The following LMX1A variants were observed in gnomAD, a reference collection of about 807,000 sequenced individuals.
The protein encoded by LMX1A is LIM homeobox transcription factor 1 alpha.
A neutral mutation model predicts 49.1 loss-of-function variants in LMX1A; 15 were observed. The observed-to-expected ratio is 0.31, with a 90% confidence interval of 0.20 to 0.47. The LOEUF is 0.47. LMX1A is among the 20% of genes least tolerant of loss of function. The pLI, the probability that LMX1A is intolerant of heterozygous loss-of-function variation, is 1.00. For missense variants in LMX1A, 372 were observed against 475.8 expected, an observed-to-expected ratio of 0.78 and a Z score of 2.03; for synonymous variants, 167 against 185.7, an observed-to-expected ratio of 0.90 and a Z score of 0.82.
chr1:165,347,137 A>G (rs1656273897), intron 3 of LMX1A, among the ~76,000 whole-genome samples: 1 of 152,226 alleles, frequency 6.6e-6, no homozygotes, highest in African/African-American at 2.4e-5. Context: ...CCTATGGGGT[A>G]TCAAGACAAA....
chr1:165,205,078 GA>G (rs1336668328), intron 8 of LMX1A, among the ~76,000 whole-genome samples: 3 of 151,844 alleles, frequency 2.0e-5, no homozygotes, highest in African/African-American at 7.3e-5. Flanking sequence ...CTAATGTTTT[GA>G]AGACTTGCTG....
chr1:165,208,578 C>G (rs1651198864), intron 6 of LMX1A, among the ~76,000 whole-genome samples: 1 of 152,200 alleles, frequency 6.6e-6, no homozygotes, highest in South Asian at 2.1e-4. Flanking sequence ...TGAGCCTACC[C>G]AGAGATTCAT....
At chr1:165,296,176 G>A (rs1654609180) in intron 3 of LMX1A, among the ~76,000 whole-genome samples, 1 of 152,210 alleles carries the variant, frequency 6.6e-6, no homozygotes, top group Admixed American at 6.5e-5. Flanking sequence ...ATGGTGAAAT[G>A]GTGAGCACCA....
chr1:165,291,184 T>C (rs1178703338), intron 3 of LMX1A, among the ~76,000 whole-genome samples: 2 of 152,208 alleles, frequency 1.3e-5, no homozygotes, highest in Non-Finnish European at 2.9e-5. Flanking sequence ...GCTTGAGTAA[T>C]TAAGCAGCTA....
chr1:165,245,541 C>T (rs942663809), intron 4 of LMX1A, among the ~76,000 whole-genome samples: 3 of 19,720 alleles, frequency 1.5e-4, no homozygotes, highest in East Asian at 1.4e-3. Flanking sequence ...GCTAATTACT[C>T]TCCTCAAGAT....
intron 4 of LMX1A, among the ~76,000 whole-genome samples, chr1:165,235,236 C>G (rs1468282834): frequency 6.6e-6 from 1 of 152,152 alleles, no homozygotes; most frequent in Admixed American, 6.5e-5. Context: ...GGAGTCAGCT[C>G]AGTCCAAAGG....
intron 4 of LMX1A, among the ~76,000 whole-genome samples, chr1:165,240,393 T>C (rs1051279430): frequency 6.6e-6 from 1 of 152,168 alleles, no homozygotes; most frequent in African/African-American, 2.4e-5. Context: ...ATCTCCAAGC[T>C]ATGTCCCTTT....
intron 4 of LMX1A, among the ~76,000 whole-genome samples, chr1:165,228,936 T>G (rs2102618604): frequency 6.6e-6 from 1 of 152,238 alleles, no homozygotes; most frequent in South Asian, 2.1e-4. Context: ...CTCCACTATC[T>G]GTACTGCTGT....
intron 3 of LMX1A, among the ~76,000 whole-genome samples, chr1:165,256,919 G>T (rs925633554): frequency 6.6e-6 from 1 of 151,898 alleles, no homozygotes; most frequent in Non-Finnish European, 1.5e-5. Context: ...ACAACACACC[G>T]AGACACCCTA....
At chr1:165,310,180 T>G (rs1655035517) in intron 3 of LMX1A, among the ~76,000 whole-genome samples, 1 of 152,210 alleles carries the variant, frequency 6.6e-6, no homozygotes, top group Admixed American at 6.5e-5. Context: ...CCAACAAAAT[T>G]CTTCCCAGCT....
intron 4 of LMX1A, among the ~76,000 whole-genome samples, chr1:165,216,293 A>G (rs1217498960): frequency 6.6e-6 from 1 of 152,232 alleles, no homozygotes; most frequent in African/African-American, 2.4e-5. Flanking sequence ...TAGAAAAAAG[A>G]AAGCCATTGA....
chr1:165,286,206 G>C (rs937457796), intron 3 of LMX1A, among the ~76,000 whole-genome samples: 2 of 152,124 alleles, frequency 1.3e-5, no homozygotes, highest in African/African-American at 4.8e-5. Context: ...AATAATTCCA[G>C]TCTTGCAGGC....
intron 3 of LMX1A, among the ~76,000 whole-genome samples, chr1:165,286,863 A>G (rs1245894988): frequency 6.6e-6 from 1 of 152,152 alleles, no homozygotes; most frequent in Non-Finnish European, 1.5e-5. Flanking sequence ...AAATAATTAG[A>G]AAAAAGTAAA....
intron 3 of LMX1A, among the ~76,000 whole-genome samples, chr1:165,334,377 TCAGCTTAATAACAGTAAG>T (rs1655839517): frequency 6.6e-6 from 1 of 152,200 alleles, no homozygotes; most frequent in South Asian, 2.1e-4. Flanking sequence ...TAACTCATCA[TCAGCTTAATAACAGTAAG>T]TTTTAAGTTA....
At chr1:165,208,215 C>G in intron 6 of LMX1A, 83 bp from the exon 7 acceptor site, 1 of 1,282,722 alleles carries the variant, frequency 7.8e-7, no homozygotes, top group Non-Finnish European at 1.1e-6. Flanking sequence ...GAAGTGACAC[C>G]TTCCCCGGGA....
rs752732338 is a variant in LMX1A at position 165,249,454 on chromosome 1, C to T, written c.450G>A (p.Lys150=). 2 of 1,614,184 alleles carry T rather than the reference C, an allele frequency of 1.2e-6. No individual in the cohort carries two copies. The highest frequency in any genetic ancestry group is 2.2e-5 in the East Asian group (1 of 44,872). ...GQLLCKGDYE[K]ERELLSLVSP... The stretch of plus-strand genomic sequence containing the variant: ...TCACCAGGCTGAGCAGCTCCCGCTC[C>T]TTCTCATAGTCCCCTTTGCAGAGCA... Residue 150 remains lysine (K), a synonymous_variant, in exon 4 of 9, where the codon AAG becomes AAA. Transcript: ENST00000342310.
chr1:165,248,303 G>A (rs1265976810), intron 4 of LMX1A, among the ~76,000 whole-genome samples: 7 of 152,176 alleles, frequency 4.6e-5, no homozygotes, highest in African/African-American at 9.7e-5. Context: ...GGGTGGGAGT[G>A]ATCAGAAACT....
At chr1:165,221,707 C>T (rs1226413876) in intron 4 of LMX1A, among the ~76,000 whole-genome samples, 1 of 152,200 alleles carries the variant, frequency 6.6e-6, no homozygotes, top group Non-Finnish European at 1.5e-5. Context: ...TGGCAGCCCG[C>T]CACGGCCTGG....
chr1:165,203,970 T>C lies in LMX1A; in HGVS notation c.1059A>G (p.Leu353=), dbSNP rs752605429. ...TSLSNLGDCF[L]ATSEAGPLQS... is the part of the protein sequence containing the mutation. ...GCAGAGGCCCAGCTTCTGAGGTTGC[T>C]AGGAAACAATCACCCAGGTTACTGA... The change falls in exon 9 of 9, where the codon CTA becomes CTG. Residue 353 remains leucine (L), a synonymous_variant. Coordinates refer to ENST00000342310, the MANE Select transcript of LMX1A (RefSeq NM_177398.4). The C allele has an allele frequency of 3.3e-5, 53 of 1,614,070 alleles. No individual in the cohort carries two copies. In the East Asian group the frequency reaches 1.1e-3, roughly 33 times the overall value.
Sources: allele counts gnomAD v4.1 joint callset (sites outside exome capture counted in the v4.1 genomes callset), GRCh38; gene constraint gnomAD v4.1.1; transcripts MANE v1.5; gene names NCBI Gene and HGNC (gene_info 2026-07-23, HGNC 2026-07-21).